Variants in ARHGEF1 observed in about 807,000 individuals in gnomAD.
ARHGEF1 encodes the protein Rho guanine nucleotide exchange factor 1.
A neutral mutation model predicts 119.7 loss-of-function variants in ARHGEF1; 40 were observed. The ratio of observed to expected loss-of-function variants is 0.33; its 90% confidence interval spans 0.26 to 0.44. ARHGEF1 has a LOEUF of 0.44. ARHGEF1 is among the 20% of genes least tolerant of loss of function. The pLI, the probability that ARHGEF1 is intolerant of heterozygous loss-of-function variation, is 1.00. For synonymous variants in ARHGEF1, 494 were observed against 521.0 expected, an observed-to-expected ratio of 0.95 and a Z score of 0.71; for missense variants, 976 against 1,268.3, an observed-to-expected ratio of 0.77 and a Z score of 3.50.
rs2074806924 is a variant in ARHGEF1 at position 41,917,240 on chromosome 19, T to G, written c.1866-5852T>G. 6.6e-6 allele frequency among the ~76,000 whole-genome samples: 1 copy of G among 152,116 alleles called. No individual in the cohort carries two copies. The highest frequency in any genetic ancestry group is 2.1e-4 in the South Asian group (1 of 4,814). ...AAATATCTCCATCTCTGAGTGTCTC[T>G]GTTTCCCCCATCTCTCTCTCTGGGT... On this transcript the variant is annotated intron_variant, in intron 18 of 20. Transcript: ENST00000599589. The surrounding 1 kb of genome is among the most constrained non-coding windows in gnomAD (Gnocchi z 4.8).
upstream of ARHGEF1, among the ~76,000 whole-genome samples, chr19:41,921,000 C>T (rs1324449773): frequency 8.5e-5 from 13 of 152,326 alleles, no homozygotes; most frequent in African/African-American, 2.9e-4. Flanking sequence ...AGTCTCCGCA[C>T]GATGTCCCTG....
upstream of ARHGEF1, among the ~76,000 whole-genome samples, chr19:41,922,919 G>C (rs1010988387): frequency 6.6e-6 from 1 of 152,310 alleles, no homozygotes; most frequent in Admixed American, 6.5e-5. Flanking sequence ...GGCTGGAGGG[G>C]ATGCCTCTGC....
Position 41,888,497 on chromosome 19 carries a change from C to T in ARHGEF1, c.111+219C>T, listed in dbSNP as rs916709864. 2.6e-5 allele frequency among the ~76,000 whole-genome samples: 4 copies of T among 152,120 alleles called. No individual in the cohort carries two copies. The South Asian group carries it at 8.3e-4, about 31-fold the overall frequency. ...CCATTTCTTATCGTTGCTCTCTCCT[C>T]CCCCAGCATGGACCCCAATTTCTTC... On this transcript the variant is annotated intron_variant, in intron 3 of 28. Transcript: ENST00000354532. The surrounding 1 kb of genome is among the most constrained non-coding windows in gnomAD (Gnocchi z 5.1).
Position 41,917,250 on chromosome 19 carries a change from A to ATC in ARHGEF1, c.1866-5832_1866-5831dup, listed in dbSNP as rs1555852026. 1.3e-5 allele frequency among the ~76,000 whole-genome samples: 2 copies of ATC among 149,534 alleles called. No individual in the cohort carries two copies. Among genetic ancestry groups the ATC allele is most frequent in the South Asian group, 2.1e-4 (1 of 4,694 alleles). Reference sequence around the variant, plus strand: ...ATCTCTGAGTGTCTCTGTTTCCCCCATCTCTCTCTCTGGGTGCATCTCTCT... The same window carrying ATC: ...ATCTCTGAGTGTCTCTGTTTCCCCCATCTCTCTCTCTCTGGGTGCATCTCTCT... On this transcript the variant is annotated intron_variant, in intron 18 of 20. Transcript: ENST00000599589. This position sits in a 1 kb window ranked among gnomAD's most constrained non-coding sequence, Gnocchi z 4.8.
rs112199053 is a variant in ARHGEF1 at position 41,884,574 on chromosome 19, C to A, written c.-20+1285C>A. 543 of 1,545,256 alleles carry A rather than the reference C, an allele frequency of 3.5e-4. 1 individual carries two copies. The African/African-American group carries it at 6.3e-3, about 18-fold the overall frequency. On this transcript the variant is annotated intron_variant, in intron 1 of 28. Coordinates refer to ENST00000354532, the MANE Select transcript of ARHGEF1 (RefSeq NM_004706.4). Reference sequence around the variant, plus strand: ...GCATCCCTGGCCGTGCACACTGCCACGTCCCCCGTAGGATTTAGGGCCCGC... The same window carrying A: ...GCATCCCTGGCCGTGCACACTGCCAAGTCCCCCGTAGGATTTAGGGCCCGC...
At chr19:41,918,413 C>A (rs916339902), upstream of ARHGEF1, among the ~76,000 whole-genome samples, 4 of 136,388 alleles carry the variant, frequency 2.9e-5, no homozygotes, top group Non-Finnish European at 1.5e-5. Flanking sequence ...ATCACACACA[C>A]CACACACATA....
Position 41,888,719 on chromosome 19 carries a change from C to T in ARHGEF1, c.112-33C>T. The T allele has an allele frequency of 6.3e-7, 1 of 1,595,106 alleles. No individual in the cohort carries two copies. The highest frequency in any genetic ancestry group is 8.6e-7 in the Non-Finnish European group (1 of 1,163,120). ...TCAACCCTAAGGCCCCTCCTCTTCTCCCCATTGTACTCACCCCTTCCTGCA... is the reference window on the plus strand; with the variant it reads ...TCAACCCTAAGGCCCCTCCTCTTCTTCCCATTGTACTCACCCCTTCCTGCA... On this transcript the variant is annotated intron_variant, in intron 3 of 28. Coordinates refer to ENST00000354532, the MANE Select transcript of ARHGEF1 (RefSeq NM_004706.4). The surrounding 1 kb of genome is among the most constrained non-coding windows in gnomAD (Gnocchi z 5.1).
At position 41,889,390 on chromosome 19, in the gene ARHGEF1, C is replaced by T. The variant is rs1600645674; in HGVS notation, c.225+525C>T. ...CACACACAGCTCACAAGGCAGACCACACAATTGTGGATCCAGAAGCCTCCG... is the reference window on the plus strand; with the variant it reads ...CACACACAGCTCACAAGGCAGACCATACAATTGTGGATCCAGAAGCCTCCG... On this transcript the variant is annotated intron_variant, in intron 4 of 28. Transcript: ENST00000354532. This position sits in a 1 kb window ranked among gnomAD's most constrained non-coding sequence, Gnocchi z 4.0. The T allele has an allele frequency of 6.5e-6, 1 of 152,908 alleles. No individual in the cohort carries two copies. Among genetic ancestry groups the T allele is most frequent in the African/African-American group, 2.4e-5 (1 of 41,470 alleles). 9.5% of individuals were successfully genotyped at this position (152,908 alleles called of 1,614,324 possible). A position where few individuals can be genotyped will look rare whatever the true frequency, so the allele number is the denominator to read the frequency against.
At chr19:41,914,975 TCCCC>T (rs1343334298) in intron 18 of ARHGEF1, among the ~76,000 whole-genome samples, 3 of 30,462 alleles carry the variant, frequency 9.8e-5, no homozygotes, top group East Asian at 1.5e-3. Flanking sequence ...TCTCCCTCCC[TCCCC>T]CTCCAGCATC....
In ARHGEF1 at chr19:41,888,260, TGAGAACGAGCTG is replaced by T; in HGVS notation, c.98_109del (p.Asn33_Glu36del). ...TCATCGGGGCTGAGGATGAGGATTTTGAGAACGAGCTGGAGACAGTGAGTGGGAGATAGGGTG... is the reference window on the plus strand; with the variant it reads ...TCATCGGGGCTGAGGATGAGGATTTTGAGACAGTGAGTGGGAGATAGGGTG... On this transcript the variant is annotated inframe_deletion, in exon 3 of 29. Transcript: ENST00000354532. The surrounding 1 kb of genome is among the most constrained non-coding windows in gnomAD (Gnocchi z 5.1). 1 of 1,614,024 alleles carries T rather than the reference TGAGAACGAGCTG, an allele frequency of 6.2e-7. No homozygotes were observed. Among genetic ancestry groups the T allele is most frequent in the Non-Finnish European group, 8.5e-7 (1 of 1,179,992 alleles).
At chr19:41,898,035 G>T in intron 13 of ARHGEF1, 1 of 1,341,248 alleles carries the variant, frequency 7.5e-7, no homozygotes, top group Middle Eastern at 1.9e-4. Context: ...AAGGGCCGGG[G>T]TGGGGGCCGC....
In ARHGEF1 at chr19:41,906,473, G is replaced by T; in HGVS notation, c.2508G>T (p.Gln836His). ...CCTGGCCAGTGCTGTCCCTGAAGCA[G>T]CTTCTGTTTCCGGCGGAGGAAGACA... The part of the protein sequence containing the change: ...TALRKVLSLK[Q>H]LLFPAEEDNG... The change falls in exon 27 of 29, where the codon CAG becomes CAT. Residue 836 changes from glutamine (Q) to histidine (H), a missense_variant. This residue lies in a region of ARHGEF1 where 171 missense variants were observed against 180.6 expected (regional missense o/e 0.95). Coordinates refer to ENST00000354532, the MANE Select transcript of ARHGEF1 (RefSeq NM_004706.4). The surrounding 1 kb of genome is among the most constrained non-coding windows in gnomAD (Gnocchi z 4.5). 3 of 1,574,950 alleles carry T rather than the reference G, an allele frequency of 1.9e-6. No individual in the cohort carries two copies. The highest frequency in any genetic ancestry group is 2.6e-6 in the Non-Finnish European group (3 of 1,167,816).
At chr19:41,929,463 C>A (rs1388661531) in intron 2 of ARHGEF1, among the ~76,000 whole-genome samples, 9 of 152,330 alleles carry the variant, frequency 5.9e-5, no homozygotes, top group African/African-American at 2.2e-4. Context: ...CGACCAGCCT[C>A]AGGGCGGGTC....
At chr19:41,913,657 C>A (rs1220516457) in intron 18 of ARHGEF1, among the ~76,000 whole-genome samples, 1 of 151,596 alleles carries the variant, frequency 6.6e-6, no homozygotes, top group Non-Finnish European at 1.5e-5. Flanking sequence ...TCCTCAGACA[C>A]CCCTTCCCCT....
intron 12 of ARHGEF1, 138 bp downstream of exon 12, chr19:41,895,624 C>A: frequency 1.1e-6 from 1 of 927,290 alleles, no homozygotes; most frequent in Non-Finnish European, 1.6e-6. Flanking sequence ...CTTCTCCCTG[C>A]TCCTGGTCAC....
Position 41,888,855 on chromosome 19 carries a change from C to T in ARHGEF1, c.215C>T (p.Pro72Leu). 6.2e-7 allele frequency: 1 copy of T among 1,613,726 alleles called. No individual in the cohort carries two copies. The highest frequency in any genetic ancestry group is 8.5e-7 in the Non-Finnish European group (1 of 1,179,718). ...LLQHVALQFE[P>L]GPLLCCLHAD... ...CAGCACGTGGCCCTGCAGTTTGAGC[C>T]AGGACCCCTGGTGAGGGCAGGGCTG... Residue 72 changes from proline (P) to leucine (L), a missense_variant, in exon 4 of 29, where the codon CCA becomes CTA. Pro to Leu is a moderately conservative substitution (Grantham distance 98). Transcript: ENST00000354532. This position sits in a 1 kb window ranked among gnomAD's most constrained non-coding sequence, Gnocchi z 5.1.
rs782661884 is a variant in ARHGEF1 at position 41,895,339 on chromosome 19, G to T, written c.878-10G>T. 1 of 1,598,810 alleles carries T rather than the reference G, an allele frequency of 6.3e-7. No homozygotes were observed. Among genetic ancestry groups the T allele is most frequent in the South Asian group, 1.1e-5 (1 of 90,730 alleles). ...CTTATCTCCCTCTTTCTCCCTCACTGTCTCCCCAGCCGAGAAGCCAGGTGC... is the reference window on the plus strand; with the variant it reads ...CTTATCTCCCTCTTTCTCCCTCACTTTCTCCCCAGCCGAGAAGCCAGGTGC... On this transcript the variant is annotated splice_polypyrimidine_tract_variant and intron_variant, in intron 11 of 28. Transcript: ENST00000354532.
At chr19:41,918,970 CCACA>C (rs369125007), upstream of ARHGEF1, among the ~76,000 whole-genome samples, 845 of 150,254 alleles carry the variant, frequency 5.6e-3, 5 homozygotes, top group African/African-American at 0.02. Flanking sequence ...ACACCACACA[CCACA>C]CACACACACA....
intron 1 of ARHGEF1, among the ~76,000 whole-genome samples, chr19:41,884,153 T>C (rs2074258330): frequency 6.6e-6 from 1 of 151,216 alleles, no homozygotes; most frequent in Admixed American, 6.6e-5. Context: ...TCGGGAGGAG[T>C]TGGACCCATC....
Sources: gnomAD v4.1 joint callset for allele counts (sites outside exome capture counted in the v4.1 genomes callset) on GRCh38, gnomAD v4.1.1 for gene constraint, gnomAD v4.1.1 regional missense constraint, Gnocchi (gnomAD v3.1) non-coding constraint, MANE v1.5 for transcripts, NCBI Gene and HGNC (gene_info 2026-07-23, HGNC 2026-07-21) for gene names.